KLHL4: variants seen among roughly 807,000 people sequenced by gnomAD.
The protein encoded by KLHL4 is kelch-like protein 4.
In KLHL4, 17 loss-of-function variants were observed where a neutral mutation model predicts 45.8. The ratio of observed to expected loss-of-function variants is 0.37; its 90% confidence interval spans 0.25 to 0.56. KLHL4 has a LOEUF of 0.56. KLHL4 is among the 20% of genes least tolerant of loss of function. KLHL4 has a pLI of 0.79. For missense variants in KLHL4, 544 were observed against 544.9 expected, an observed-to-expected ratio of 1.00 and a Z score of 0.02; for synonymous variants, 224 against 189.9, an observed-to-expected ratio of 1.18 and a Z score of -1.47.
intron 9 of KLHL4, among the ~76,000 whole-genome samples, chrX:87,657,642 C>A (rs1924036164): frequency 9.0e-6 from 1 of 110,971 alleles, no homozygotes; most frequent in Non-Finnish European, 1.9e-5. Context: ...GACCTCCTGG[C>A]CAGTTGAAGG....
At chrX:87,529,078 A>G (rs1345481778) in intron 1 of KLHL4, among the ~76,000 whole-genome samples, 2 of 110,700 alleles carry the variant, frequency 1.8e-5, no homozygotes, top group African/African-American at 6.6e-5. Flanking sequence ...AAAAAAAACC[A>G]TTGTCTTTCA....
At chrX:87,559,739 T>C (rs919665870) in intron 1 of KLHL4, among the ~76,000 whole-genome samples, 4 of 111,013 alleles carry the variant, frequency 3.6e-5, no homozygotes, top group Non-Finnish European at 7.6e-5. Flanking sequence ...ATAAAACAAC[T>C]GCTTTTAAGT....
intron 1 of KLHL4, among the ~76,000 whole-genome samples, chrX:87,606,196 G>A (rs1203218178): frequency 9.0e-6 from 1 of 110,646 alleles, no homozygotes; most frequent in African/African-American, 3.3e-5. Context: ...TTGTATTCTT[G>A]TTTGGTTTTG....
At chrX:87,523,886 G>A (rs917901633) in intron 1 of KLHL4, among the ~76,000 whole-genome samples, 3 of 110,916 alleles carry the variant, frequency 2.7e-5, no homozygotes, top group Middle Eastern at 4.6e-3. Flanking sequence ...TTGCTTGAAC[G>A]CAGGAGGCAG....
At chrX:87,597,049 C>T (rs185996357) in intron 1 of KLHL4, among the ~76,000 whole-genome samples, 18 of 112,213 alleles carry the variant, frequency 1.6e-4, no homozygotes, top group Middle Eastern at 4.6e-3. Context: ...GTTTGTTTAG[C>T]AGCTTTGATT....
At chrX:87,560,881 A>G (rs1932082328) in intron 1 of KLHL4, among the ~76,000 whole-genome samples, 1 of 111,748 alleles carries the variant, frequency 8.9e-6, no homozygotes, top group African/African-American at 3.3e-5. Context: ...CATATTTGTA[A>G]ATAGTGCTAC....
At chrX:87,556,494 A>T (rs1354997879) in intron 1 of KLHL4, among the ~76,000 whole-genome samples, 1 of 100,944 alleles carries the variant, frequency 9.9e-6, no homozygotes, top group Non-Finnish European at 2.0e-5. Context: ...TGGACACAGG[A>T]AGGGGAACAT....
chrX:87,658,599 C>G (rs1420833595), intron 9 of KLHL4, among the ~76,000 whole-genome samples: 1 of 111,459 alleles, frequency 9.0e-6, no homozygotes, highest in Non-Finnish European at 1.9e-5. Flanking sequence ...ATCTCATGCA[C>G]TGGGGACTCA....
intron 1 of KLHL4, among the ~76,000 whole-genome samples, chrX:87,573,323 A>G (rs1043939348): frequency 9.0e-6 from 1 of 111,182 alleles, no homozygotes; most frequent in African/African-American, 3.3e-5. Context: ...ATAGTCTCCA[A>G]TTGATTTTGA....
At chrX:87,601,407 G>A (rs766379938) in intron 1 of KLHL4, among the ~76,000 whole-genome samples, 13 of 111,589 alleles carry the variant, frequency 1.2e-4, no homozygotes, top group African/African-American at 3.9e-4. Context: ...GAGGGGCCAC[G>A]TGCAGGGTGT....
At chrX:87,534,189 T>C (rs1000540587) in intron 1 of KLHL4, among the ~76,000 whole-genome samples, 22 of 111,576 alleles carry the variant, frequency 2.0e-4, no homozygotes, top group African/African-American at 6.5e-4. Context: ...CCTGGGACAA[T>C]TCTCTTTCCT....
rs781541501 is a variant in KLHL4 at position 87,617,306 on chromosome X, T to C, written c.728-626T>C. Among the ~76,000 whole-genome samples, 115 of 109,157 alleles carry C rather than the reference T, an allele frequency of 1.1e-3. 1 individual carries two copies. The highest frequency in any genetic ancestry group is 3.8e-3 in the African/African-American group (114 of 30,126). 94.8% of individuals were successfully genotyped at this position (109,157 alleles called of 115,157 possible). A position where few individuals can be genotyped will look rare whatever the true frequency, so the allele number is the denominator to read the frequency against. Reference sequence around the variant, plus strand: ...TTGAGACAGTGCCAGGGGTCAATTCTAGAGATAATATTTTGGGCAAATACA... The same window carrying C: ...TTGAGACAGTGCCAGGGGTCAATTCCAGAGATAATATTTTGGGCAAATACA... On this transcript the variant is annotated intron_variant, in intron 3 of 10. Transcript: ENST00000373119.
chrX:87,530,707 T>C (rs1356850364), intron 1 of KLHL4, among the ~76,000 whole-genome samples: 23 of 103,509 alleles, frequency 2.2e-4, no homozygotes, highest in Non-Finnish European at 3.7e-4. Flanking sequence ...TCTTTGCTAT[T>C]GTGAATAATG....
chrX:87,531,237 G>C (rs1419563684), intron 1 of KLHL4, among the ~76,000 whole-genome samples: 1 of 110,574 alleles, frequency 9.0e-6, no homozygotes, highest in East Asian at 2.9e-4. Flanking sequence ...TCTGATGGTA[G>C]TTTCTTTTGC....
Position 87,547,934 on chromosome X carries a change from G to T in KLHL4, c.422+29619G>T, listed in dbSNP as rs188281873. Among the ~76,000 whole-genome samples, 242 of 112,195 alleles carry T rather than the reference G, an allele frequency of 2.2e-3. 1 individual carries two copies. Among genetic ancestry groups the T allele is most frequent in the African/African-American group, 7.6e-3 (235 of 30,938 alleles). On this transcript the variant is annotated intron_variant, in intron 1 of 10. Coordinates refer to ENST00000373119, the MANE Select transcript of KLHL4 (RefSeq NM_019117.5). ...TTAAAGAAAAGGTAGAGATGGGGTA[G>T]AAATTTTAATCAAAAAGATAATTAC...
chrX:87,665,394 A>G (rs887529062), intron 10 of KLHL4, among the ~76,000 whole-genome samples: 4 of 111,375 alleles, frequency 3.6e-5, no homozygotes, highest in Admixed American at 1.9e-4. Context: ...AATCTTTACC[A>G]TATAGAGACT....
intron 1 of KLHL4, among the ~76,000 whole-genome samples, chrX:87,556,746 C>A: frequency 9.6e-6 from 1 of 104,193 alleles, no homozygotes; most frequent in East Asian, 3.3e-4. Flanking sequence ...CTTTGAGAAC[C>A]ATTCTGAGAT....
chrX:87,613,780 A>C, intron 1 of KLHL4, 97 bp from the exon 2 acceptor site: 2 of 576,406 alleles, frequency 3.5e-6, no homozygotes, highest in Non-Finnish European at 5.0e-6. Flanking sequence ...TGGTATGCCT[A>C]AATTTCCACT....
At chrX:87,617,065 C>CTCATAAAA (rs955717247) in intron 3 of KLHL4, among the ~76,000 whole-genome samples, 3 of 111,755 alleles carry the variant, frequency 2.7e-5, no homozygotes, top group Admixed American at 9.6e-5. Context: ...GTAGGAATGT[C>CTCATAAAA]TCATAAAATC....
Sources: gnomAD v4.1 joint callset for allele counts (sites outside exome capture counted in the v4.1 genomes callset) on GRCh38, gnomAD v4.1.1 for gene constraint, MANE v1.5 for transcripts, NCBI Gene and HGNC (gene_info 2026-07-23, HGNC 2026-07-21) for gene names.